TFAP2A: variants seen among roughly 807,000 people sequenced by gnomAD.
TFAP2A encodes the protein transcription factor AP-2-alpha.
In TFAP2A, 7 loss-of-function variants were observed where a neutral mutation model predicts 41.5. The ratio of observed to expected loss-of-function variants is 0.17; its 90% CI spans 0.10 to 0.32. The LOEUF (loss-of-function observed/expected upper bound fraction) is 0.32, where lower values mean the gene tolerates loss of function less well. TFAP2A is among the 10% of genes least tolerant of loss of function. The pLI is 1.00. For synonymous variants in TFAP2A, 247 were observed against 242.8 expected (o/e 1.02, Z -0.16); for missense variants, 416 against 563.3 (o/e 0.74, Z 2.65).
upstream of TFAP2A, chr6:10,415,091 G>C: frequency 6.2e-7 from 1 of 1,608,174 alleles, no homozygotes; most frequent in Non-Finnish European, 8.5e-7. Flanking sequence ...GAGCGCAGGA[G>C]GAGGAGGAGG....
chr6:10,409,511 G>T, intron 2 of TFAP2A: 1 of 234,862 alleles, frequency 4.3e-6, no homozygotes, highest in Non-Finnish European at 8.5e-6. Flanking sequence ...AGCTCTTTTG[G>T]TTGCATTTAA....
At chr6:10,403,405 G>A (rs558733210) in intron 4 of TFAP2A, among the ~76,000 whole-genome samples, 1 of 152,220 alleles carries the variant, frequency 6.6e-6, no homozygotes, top group African/African-American at 2.4e-5. Flanking sequence ...AAAGATCTGT[G>A]TCAGTGAAAG....
intron 1 of TFAP2A, 149 bp downstream of exon 1, chr6:10,414,792 C>T (rs1027414337): frequency 6.5e-6 from 7 of 1,071,928 alleles, no homozygotes; most frequent in Non-Finnish European, 7.1e-6. Flanking sequence ...CCCCCGCGTT[C>T]TTCGGGCGAA....
Position 10,398,990 on chromosome 6 carries a change from CAA to C in TFAP2A, c.1032-287_1032-286del, listed in dbSNP as rs1761901650. The stretch of plus-strand genomic sequence containing the variant: ...TTTATTCCCACCTTTCTCCCTCACA[CAA>C]AACATCCTAGACATAGGAAACCATT... On this transcript the variant is annotated intron_variant, in intron 6 of 6. Coordinates refer to ENST00000379613, the MANE Select transcript of TFAP2A (RefSeq NM_001372066.1). The surrounding 1 kb of genome is among the most constrained non-coding windows in gnomAD (Gnocchi z 5.3). Among the ~76,000 whole-genome samples, 1 of 152,202 alleles carries C rather than the reference CAA, an allele frequency of 6.6e-6. No individual in the cohort carries two copies. The highest frequency in any genetic ancestry group is 2.4e-5 in the African/African-American group (1 of 41,440).
chr6:10,404,989 T>G, intron 3 of TFAP2A: 1 of 581,532 alleles, frequency 1.7e-6, no homozygotes, highest in African/African-American at 1.9e-5. Context: ...GTTTCTGCCT[T>G]GACCCTTTCC....
At chr6:10,419,640 C>G, upstream of TFAP2A, 2 of 686,098 alleles carry the variant, frequency 2.9e-6, no homozygotes, top group Non-Finnish European at 2.6e-6. Flanking sequence ...ACTCCGCCAG[C>G]TGCAGTCCCA....
chr6:10,418,594 G>C (rs968234246), upstream of TFAP2A: 1 of 152,400 alleles, frequency 6.6e-6, no homozygotes, highest in African/African-American at 2.4e-5. Context: ...TGGAAGGAGA[G>C]AGCTGGACAA....
At chr6:10,414,741 A>G (rs2113227855) in intron 1 of TFAP2A, 200 bp downstream of exon 1, 1 of 746,192 alleles carries the variant, frequency 1.3e-6, no homozygotes, top group East Asian at 2.7e-5. Flanking sequence ...AAGTAGGGAA[A>G]CCAAAGAAGG....
intron 2 of TFAP2A, among the ~76,000 whole-genome samples, chr6:10,408,440 AT>A (rs1392573467): frequency 2.0e-5 from 3 of 152,224 alleles, no homozygotes; most frequent in African/African-American, 7.2e-5. Context: ...TTGCAACATT[AT>A]TTTGCAATTC....
intron 5 of TFAP2A, chr6:10,402,058 C>T (rs994303418): frequency 2.9e-6 from 1 of 341,982 alleles, no homozygotes; most frequent in African/African-American, 2.2e-5. Flanking sequence ...CCTGAAAGGG[C>T]ACATAACCCT....
chr6:10,417,058 G>T, upstream of TFAP2A: 1 of 152,822 alleles, frequency 6.5e-6, no homozygotes, highest in Non-Finnish European at 1.5e-5. Flanking sequence ...TTGAAGTCAG[G>T]ATCTGGGCTG....
intron 1 of TFAP2A, chr6:10,411,478 G>A (rs2613849): frequency 6.2e-7 from 1 of 1,608,278 alleles, no homozygotes; most frequent in South Asian, 1.1e-5. Flanking sequence ...AAAGCTGGGC[G>A]TGAAACCCGA....
At chr6:10,400,285 GTATT>G (rs2114002540) in intron 6 of TFAP2A, among the ~76,000 whole-genome samples, 159 bp downstream of exon 6, 2 of 151,722 alleles carry the variant, frequency 1.3e-5, no homozygotes, top group Non-Finnish European at 2.9e-5. Flanking sequence ...AATCCCACCT[GTATT>G]TCTTCCTTAA....
chr6:10,400,833 C>T (rs1761980666), intron 5 of TFAP2A: 1 of 668,786 alleles, frequency 1.5e-6, no homozygotes. Flanking sequence ...TCTCATCCAC[C>T]AACCTCCAGT....
intron 4 of TFAP2A, among the ~76,000 whole-genome samples, chr6:10,403,399 A>T (rs1757509611): frequency 6.6e-6 from 1 of 152,240 alleles, no homozygotes. Flanking sequence ...CAAGGAAAAG[A>T]TCTGTGTCAG....
chr6:10,400,925 A>G (rs1761983223), intron 5 of TFAP2A: 17 of 473,218 alleles, frequency 3.6e-5, no homozygotes, highest in Middle Eastern at 3.1e-4. Context: ...CTATCAACAC[A>G]TTCATAAATG....
intron 1 of TFAP2A, 105 bp from the exon 2 acceptor site, chr6:10,410,440 C>A: frequency 8.2e-7 from 1 of 1,220,908 alleles, no homozygotes; most frequent in Non-Finnish European, 1.2e-6. Context: ...ATCGCCCGTT[C>A]CCGTTGGCTG....
rs1354299682 is a variant in TFAP2A at position 10,406,813 on chromosome 6, T to C, written c.518A>G (p.Asp173Gly). The change falls in exon 3 of 7, where the codon GAT becomes GGT. Residue 173 changes from aspartate to glycine, a missense_variant. Asp to Gly is a moderately conservative substitution (Grantham distance 94). This residue lies in a region of TFAP2A where 241 missense variants were observed against 274.1 expected (regional missense o/e 0.88). Coordinates refer to ENST00000379613, the MANE Select transcript of TFAP2A (RefSeq NM_001372066.1). ...CTTACCTTTCTTAATTACAGTTTGA[T>C]CTGGGATGTTAATACCCGGGTCTTC... is the stretch of plus-strand genomic sequence containing the variant. ...HVEDPGINIP[D>G]QTVIKKGPVS... 1 of 1,613,638 alleles carries C rather than the reference T, an allele frequency of 6.2e-7. No homozygotes were observed. Among genetic ancestry groups the C allele is most frequent in the African/African-American group, 1.3e-5 (1 of 74,944 alleles).
At chr6:10,407,500 C>CTTTTTTTTTTTTTT (rs1010909089) in intron 2 of TFAP2A, 1 of 124,166 alleles carries the variant, frequency 8.1e-6, no homozygotes, top group Admixed American at 8.0e-5. Context: ...TTTTTCTTTT[C>CTTTTTTTTTTTTTT]TTTTTTTTTT....
Sources: gnomAD v4.1 joint callset for allele counts (sites outside exome capture counted in the v4.1 genomes callset) on GRCh38, gnomAD v4.1.1 for gene constraint, gnomAD v4.1.1 regional missense constraint, Gnocchi (gnomAD v3.1) non-coding constraint, MANE v1.5 for transcripts, NCBI Gene and HGNC (gene_info 2026-07-23, HGNC 2026-07-21) for gene names.